VPS41: variants seen among roughly 807,000 people sequenced by gnomAD.
VPS41 encodes the protein VPS41 subunit of HOPS complex.
A neutral mutation model predicts 130.9 loss-of-function variants in VPS41; 85 were observed. The ratio of observed to expected loss-of-function variants is 0.65; its 90% CI spans 0.55 to 0.78. The LOEUF (loss-of-function observed/expected upper bound fraction) is 0.78. Among genes scored for constraint, VPS41 ranks in the 30% least tolerant of loss-of-function variants. VPS41 has a pLI of 0.00. For synonymous variants in VPS41, 335 were observed against 332.9 expected (o/e 1.01, Z -0.07); for missense variants, 874 against 1,018.7 (o/e 0.86, Z 1.93).
chr7:38,747,275 C>T (rs867711204), intron 22 of VPS41, among the ~76,000 whole-genome samples: 2 of 151,966 alleles, frequency 1.3e-5, no homozygotes, highest in South Asian at 2.1e-4. Flanking sequence ...TCAGAGGACA[C>T]GGGATTCAAA....
At chr7:38,803,293 T>A (rs1163215750) in intron 7 of VPS41, among the ~76,000 whole-genome samples, 1 of 152,248 alleles carries the variant, frequency 6.6e-6, no homozygotes, top group African/African-American at 2.4e-5. Flanking sequence ...TCATTGGCCC[T>A]GTTTTAATCA....
intron 3 of VPS41, among the ~76,000 whole-genome samples, chr7:38,867,965 A>T (rs939588206): frequency 6.6e-6 from 1 of 152,226 alleles, no homozygotes; most frequent in African/African-American, 2.4e-5. Context: ...AAAGAATGAA[A>T]GGATTAGAGA....
chr7:38,813,559 T>TA (rs1172678770), intron 7 of VPS41, among the ~76,000 whole-genome samples: 1 of 152,076 alleles, frequency 6.6e-6, no homozygotes, highest in Non-Finnish European at 1.5e-5. Flanking sequence ...TTAAAACAGC[T>TA]AAAAAAATAA....
chr7:38,760,922 T>C (rs889401730), intron 17 of VPS41, among the ~76,000 whole-genome samples: 1 of 152,102 alleles, frequency 6.6e-6, no homozygotes, highest in East Asian at 1.9e-4. Context: ...ATCAGTAATA[T>C]AGTTTTCATT....
intron 2 of VPS41, among the ~76,000 whole-genome samples, chr7:38,890,618 A>C (rs144464537): frequency 6.6e-6 from 1 of 152,320 alleles, no homozygotes; most frequent in East Asian, 1.9e-4. Flanking sequence ...ATATTGTACT[A>C]GAGTTACGTA....
In VPS41 at chr7:38,774,138, T is replaced by A. The variant is rs1044926237; in HGVS notation, c.989A>T (p.Asn330Ile). The change falls in exon 12 of 29, where the codon AAT (asparagine) becomes ATT (isoleucine). Residue 330 changes from asparagine (N) to isoleucine (I), a missense_variant. Transcript: ENST00000310301. ...ACCTAAATGATAATCTCTACATTCA[T>A]TCTCCTGAAAGCCTCTGACTGTCAA... ...DALTVRGFQE[N>I]ECRDYHLEYS... 1.9e-6 allele frequency: 3 copies of A among 1,606,264 alleles called. No homozygotes were observed. The highest frequency in any genetic ancestry group is 2.6e-6 in the Non-Finnish European group (3 of 1,174,664).
intron 2 of VPS41, among the ~76,000 whole-genome samples, chr7:38,894,619 G>A (rs11772408): frequency 0.26 from 39,100 of 151,958 alleles, 6,438 homozygotes; most frequent in Non-Finnish European, 0.38. Flanking sequence ...AACATTAATC[G>A]TATCTATCTT....
intron 7 of VPS41, among the ~76,000 whole-genome samples, chr7:38,815,937 T>G (rs111680276): frequency 7.5e-6 from 1 of 133,194 alleles, no homozygotes; most frequent in Non-Finnish European, 1.6e-5. Flanking sequence ...TATATATATA[T>G]ATATACACAT....
chr7:38,849,726 T>C (rs1785809775), intron 4 of VPS41, among the ~76,000 whole-genome samples: 2 of 152,088 alleles, frequency 1.3e-5, no homozygotes, highest in South Asian at 4.1e-4. Flanking sequence ...GCTGCTTGTG[T>C]CTCTGCCCAC....
chr7:38,738,861 T>C (rs1795825805), intron 25 of VPS41, among the ~76,000 whole-genome samples: 1 of 152,240 alleles, frequency 6.6e-6, no homozygotes, highest in Non-Finnish European at 1.5e-5. Flanking sequence ...ACTGCTGATG[T>C]AGTTGATTAT....
At chr7:38,752,516 C>T (rs142520676) in intron 21 of VPS41, among the ~76,000 whole-genome samples, 1 of 152,156 alleles carries the variant, frequency 6.6e-6, no homozygotes, top group African/African-American at 2.4e-5. Flanking sequence ...CTAGAAGGGC[C>T]CCAAAACCTG....
chr7:38,901,392 A>G (rs1352313635), intron 1 of VPS41, among the ~76,000 whole-genome samples: 1 of 152,228 alleles, frequency 6.6e-6, no homozygotes, highest in Non-Finnish European at 1.5e-5. Flanking sequence ...TACCAGAAGC[A>G]CGGCACCAGC....
At chr7:38,772,009 A>G (rs1168920133) in intron 13 of VPS41, among the ~76,000 whole-genome samples, 1 of 152,140 alleles carries the variant, frequency 6.6e-6, no homozygotes, top group Non-Finnish European at 1.5e-5. Context: ...CTAAGAACGT[A>G]ACTTTGTAGC....
intron 2 of VPS41, among the ~76,000 whole-genome samples, chr7:38,894,093 A>C (rs2116425241): frequency 6.6e-6 from 1 of 152,368 alleles, no homozygotes; most frequent in South Asian, 2.1e-4. Flanking sequence ...CACTTGAATA[A>C]GGAAAAGGTA....
Position 38,881,499 on chromosome 7 carries a change from G to A in VPS41, c.61-12246C>T, listed in dbSNP as rs114096124. 4.7e-3 allele frequency among the ~76,000 whole-genome samples: 711 copies of A among 152,254 alleles called. 6 individuals carry two copies. The highest frequency in any genetic ancestry group is 0.016 in the African/African-American group (675 of 41,542). On this transcript the variant is annotated intron_variant, in intron 2 of 28. Transcript: ENST00000310301. ...GGATTAGGATGTAGACATCTTTGGG[G>A]AACCATTATTCTGCCTGTTACAGAG...
At chr7:38,815,964 A>T (rs1343791063) in intron 7 of VPS41, among the ~76,000 whole-genome samples, 1 of 152,044 alleles carries the variant, frequency 6.6e-6, no homozygotes, top group African/African-American at 2.4e-5. Flanking sequence ...ACACACACAC[A>T]TCTATCCTAT....
chr7:38,806,772 T>A (rs1352685587), intron 7 of VPS41, among the ~76,000 whole-genome samples: 1 of 152,140 alleles, frequency 6.6e-6, no homozygotes, highest in African/African-American at 2.4e-5. Flanking sequence ...ACAGAAGCAA[T>A]CTAACAAATG....
At chr7:38,866,909 A>G (rs1332825931) in intron 3 of VPS41, among the ~76,000 whole-genome samples, 1 of 152,236 alleles carries the variant, frequency 6.6e-6, no homozygotes, top group Non-Finnish European at 1.5e-5. Context: ...AGAATCAGCA[A>G]AATGTCCATC....
intron 17 of VPS41, among the ~76,000 whole-genome samples, chr7:38,761,654 T>C (rs1783925277): frequency 6.6e-6 from 1 of 151,938 alleles, no homozygotes; most frequent in South Asian, 2.1e-4. Context: ...TGCAGTAGCA[T>C]GATCACAGCT....
Sources: gnomAD v4.1 joint callset for allele counts (sites outside exome capture counted in the v4.1 genomes callset) on GRCh38, gnomAD v4.1.1 for gene constraint, MANE v1.5 for transcripts, NCBI Gene and HGNC (gene_info 2026-07-23, HGNC 2026-07-21) for gene names.